TTN: variants seen among roughly 807,000 people sequenced by gnomAD.
TTN encodes titin, also known as connectin.
A neutral mutation model predicts 3,223.0 loss-of-function variants in TTN; 1,525 were observed. The ratio of observed to expected loss-of-function variants is 0.47; its 90% CI spans 0.45 to 0.49. The LOEUF (loss-of-function observed/expected upper bound fraction) is 0.49. Ranked by LOEUF, TTN falls within the 20% of genes least tolerant of loss-of-function variation. TTN has a pLI of 0.00. For synonymous variants in TTN, 14,094 were observed against 15,161.0 expected, an observed-to-expected ratio of 0.93 and a Z score of 5.17; for missense variants, 40,786 against 43,424.0, an observed-to-expected ratio of 0.94 and a Z score of 5.40.
intron 121 of TTN, among the ~76,000 whole-genome samples, chr2:178,691,286 G>A (rs2072347594): frequency 6.6e-6 from 1 of 152,134 alleles, no homozygotes; most frequent in Non-Finnish European, 1.5e-5. Flanking sequence ...TGCAATTGTA[G>A]CTTCAGTGCT....
In TTN at chr2:178,706,785, A is replaced by G. The variant is rs184015013; in HGVS notation, c.29135-46T>C. On this transcript the variant is annotated intron_variant, in intron 101 of 362. Transcript: ENST00000589042. Reference sequence around the variant, plus strand: ...GTGAATAAAAATTTAATTTTCTAAAATCAGTTCTTCCAAAATTAAATCATA... The same window carrying G: ...GTGAATAAAAATTTAATTTTCTAAAGTCAGTTCTTCCAAAATTAAATCATA... 295 of 1,597,162 alleles carry G rather than the reference A, an allele frequency of 1.8e-4. 2 individuals are homozygous for G. The African/African-American group carries it at 3.2e-3, about 17-fold the overall frequency.
Position 178,536,402 on chromosome 2 carries a change from C to G in TTN, c.100345G>C (p.Glu33449Gln). Residue 33449 changes from glutamate to glutamine, a missense_variant, in exon 357 of 363, where the codon GAA becomes CAA. Transcript: ENST00000589042. The part of the protein sequence containing the change: ...WISVTTEEIR[E>Q]TVFSVKNLIE... ...AGGTTTTTCACTGAAAAGACAGTTTCTCGAATTTCTTCTGTTGTCACAGAA... is the reference window on the plus strand; with the variant it reads ...AGGTTTTTCACTGAAAAGACAGTTTGTCGAATTTCTTCTGTTGTCACAGAA... 1 of 1,613,690 alleles carries G rather than the reference C, an allele frequency of 6.2e-7. No homozygotes were observed. The highest frequency in any genetic ancestry group is 8.5e-7 in the Non-Finnish European group (1 of 1,179,738).
Position 178,592,533 on chromosome 2 carries a change from GTCT to G in TTN, c.59469_59471del (p.Glu19823del), listed in dbSNP as rs1216617786. On this transcript the variant is annotated inframe_deletion, in exon 301 of 363. Coordinates refer to ENST00000589042, the MANE Select transcript of TTN (RefSeq NM_001267550.2). ...TTCTTGCTTTAGTTGGAGCATCTCT[GTCT>G]TCTTTTTTCCAAGTTACTTTTGGGA... The G allele has an allele frequency of 1.7e-5, 28 of 1,613,350 alleles. No homozygotes were observed. Among genetic ancestry groups the G allele is most frequent in the Non-Finnish European group, 2.3e-5 (27 of 1,179,594 alleles).
Position 178,536,974 on chromosome 2 carries a change from C to CTAG in TTN, c.100132_100134dup (p.Leu33378dup). The CTAG allele has an allele frequency of 6.2e-7, 1 of 1,613,288 alleles. No individual in the cohort carries two copies. The highest frequency in any genetic ancestry group is 8.5e-7 in the Non-Finnish European group (1 of 1,179,550). On this transcript the variant is annotated inframe_insertion, in exon 356 of 363. Coordinates refer to ENST00000589042, the MANE Select transcript of TTN (RefSeq NM_001267550.2). ...TTAATGATCACAACTGAGGACACTT[C>CTAG]TAGAGGGTCACTGATGCCGAAAGTG... is the stretch of plus-strand genomic sequence containing the variant.
In TTN at chr2:178,611,819, A is replaced by G. The variant is rs756554545; in HGVS notation, c.50490T>C (p.Asn16830=). 4.3e-6 allele frequency: 7 copies of G among 1,612,874 alleles called. No individual in the cohort carries two copies. The East Asian group carries it at 1.6e-4, about 36-fold the overall frequency. ...CACTTGGGTGGCCAACTCCAGCTTC[A>G]TTTTCAGCCCGAACCTGAAACTGGA... ...TEVQFQVRAE[N]EAGVGHPSEP... Residue 16830 remains asparagine (N), a synonymous_variant, in exon 268 of 363, where the codon AAT becomes AAC. Transcript: ENST00000589042.
chr2:178,605,661 A>G lies in TTN; in HGVS notation c.53634T>C (p.Thr17878=). 4 of 1,607,970 alleles carry G rather than the reference A, an allele frequency of 2.5e-6. No individual in the cohort carries two copies. Among genetic ancestry groups the G allele is most frequent in the Non-Finnish European group, 3.4e-6 (4 of 1,176,026 alleles). Residue 17878 remains threonine, a synonymous_variant, in exon 279 of 363, where the codon ACT becomes ACC. Coordinates refer to ENST00000589042, the MANE Select transcript of TTN (RefSeq NM_001267550.2). The part of the protein sequence containing the change: ...RLTYTERTKS[T]ITLDWKEPRS... ...GGGGCTCTTTCCAGTCAAGTGTGAT[A>G]GTGGACTTTGTCCTTTCAGTGTATG...
chr2:178,757,671 CCTCAAAATGG>C lies in TTN; in HGVS notation c.10539_10548del (p.Phe3513LeufsTer8), dbSNP rs1164131305. The C allele has an allele frequency of 1.2e-6, 2 of 1,613,682 alleles. No homozygotes were observed. The highest frequency in any genetic ancestry group is 2.7e-5 in the African/African-American group (2 of 74,890). On this transcript the variant is annotated frameshift_variant, in exon 45 of 363. Transcript: ENST00000589042. LOFTEE classifies it high-confidence loss of function. ...AGCATTAAAGCCATGCCTGTGGACT[CCTCAAAATGG>C]AAAACTACATCTTTTGTTGGTAGAA...
Position 178,614,651 on chromosome 2 carries a change from G to A in TTN, c.48863C>T (p.Pro16288Leu). Residue 16288 changes from proline (P) to leucine (L), a missense_variant, in exon 261 of 363, where the codon CCT (proline) becomes CTT (leucine). By Grantham distance (98) the Pro-to-Leu change is moderately conservative. Transcript: ENST00000589042. ...ATCAGCCTTTGTCCAAGTTATTTTAGGTTCAGGTTTTCCGGTTACGGTGGC... is the reference window on the plus strand; with the variant it reads ...ATCAGCCTTTGTCCAAGTTATTTTAAGTTCAGGTTTTCCGGTTACGGTGGC... Reference protein sequence around the residue: ...LPATVTGKPEPKITWTKADMI... With the variant: ...LPATVTGKPELKITWTKADMI... The A allele has an allele frequency of 6.2e-7, 1 of 1,612,320 alleles. No homozygotes were observed.
In TTN at chr2:178,591,802, C is replaced by G; in HGVS notation, c.60017G>C (p.Gly20006Ala). 3 of 1,613,296 alleles carry G rather than the reference C, an allele frequency of 1.9e-6. No homozygotes were observed. The highest frequency in any genetic ancestry group is 1.1e-5 in the South Asian group (1 of 91,054). ...LVWNKPDRDG[G>A]SPITGYLVEY... The stretch of plus-strand genomic sequence containing the variant: ...TACCAAATATCCAGTGATTGGAGAA[C>G]CACCATCACGATCCGGCTTATTCCA... Residue 20006 changes from glycine (G) to alanine (A), a missense_variant, in exon 303 of 363, where the codon GGT (glycine) becomes GCT (alanine). Coordinates refer to ENST00000589042, the MANE Select transcript of TTN (RefSeq NM_001267550.2).
chr2:178,555,861 G>A, intron 330 of TTN: 1 of 152,210 alleles, frequency 6.6e-6, no homozygotes, highest in Non-Finnish European at 1.5e-5. Context: ...TGACTCTCAT[G>A]ACGTTTTAAT....
rs397517599 is a variant in TTN at position 178,611,946 on chromosome 2, A to G, written c.50363T>C (p.Ile16788Thr). Residue 16788 changes from isoleucine to threonine, a missense_variant, in exon 268 of 363, where the codon ATT becomes ACT. Transcript: ENST00000589042. ...GGTACCTAACCTTTCTTTCTTCTCA[A>G]TGACATATCTATTGAAACAACAAAG... ...DGGRPIQRYV[I>T]EKKERLGTRW... 3.6e-4 allele frequency: 586 copies of G among 1,611,272 alleles called. 9 individuals carry two copies. In the South Asian group the frequency reaches 6.0e-3, roughly 17 times the overall value.
At position 178,593,426 on chromosome 2, in the gene TTN, G is replaced by A. The variant is rs372682637; in HGVS notation, c.58782C>T (p.Asp19594=). ...GCTTATTCCAGGTTACTAATGCAGA[G>A]TCTTTGGTAACTTCTGTAACAATTG... ...DQPIVTEVTK[D]SALVTWNKPH... is the part of the protein sequence containing the mutation. The change falls in exon 299 of 363, where the codon GAC becomes GAT. Residue 19594 remains aspartate (D), a synonymous_variant. Transcript: ENST00000589042. 2 of 1,613,170 alleles carry A rather than the reference G, an allele frequency of 1.2e-6. No individual in the cohort carries two copies. Among genetic ancestry groups the A allele is most frequent in the Non-Finnish European group, 1.7e-6 (2 of 1,179,552 alleles).
Position 178,694,632 on chromosome 2 carries a change from T to C in TTN, c.31393A>G (p.Thr10465Ala). Residue 10465 changes from threonine to alanine, a missense_variant, in exon 117 of 363, where the codon ACT becomes GCT. Physicochemically the swap from Thr to Ala is moderately conservative, Grantham distance 58 (BLOSUM62 0). Coordinates refer to ENST00000589042, the MANE Select transcript of TTN (RefSeq NM_001267550.2). ...KKIVPQKPSR[T>A]PVQEEVIEVK... ...TCAATAACTTCTTCCTGTACTGGAGTCCGGGAAGGTTTTTGTGGAACAATC... is the reference window on the plus strand; with the variant it reads ...TCAATAACTTCTTCCTGTACTGGAGCCCGGGAAGGTTTTTGTGGAACAATC... The C allele has an allele frequency of 6.4e-7, 1 of 1,560,236 alleles. No individual in the cohort carries two copies. The highest frequency in any genetic ancestry group is 8.7e-7 in the Non-Finnish European group (1 of 1,150,634).
In TTN at chr2:178,540,161, C is replaced by T; in HGVS notation, c.98005G>A (p.Ala32669Thr). The T allele has an allele frequency of 6.2e-7, 1 of 1,613,792 alleles. No homozygotes were observed. The highest frequency in any genetic ancestry group is 8.5e-7 in the Non-Finnish European group (1 of 1,179,754). Residue 32669 changes from alanine (A) to threonine (T), a missense_variant, in exon 351 of 363, where the codon GCA (alanine) becomes ACA (threonine). Transcript: ENST00000589042. The part of the protein sequence containing the change: ...EYTLTHLPQG[A>T]EYRFRVLACN... The stretch of plus-strand genomic sequence containing the variant: ...GCTAGGACGCGGAACCTGTATTCTG[C>T]ACCCTGAGGTAGGTGTGTTAGAGTA...
Position 178,610,152 on chromosome 2 carries a change from T to C in TTN, c.51374A>G (p.Asn17125Ser). 1 of 1,613,028 alleles carries C rather than the reference T, an allele frequency of 6.2e-7. No individual in the cohort carries two copies. The change falls in exon 271 of 363, where the codon AAC becomes AGC. Residue 17125 changes from asparagine to serine, a missense_variant. By Grantham distance (46) the Asn-to-Ser change is conservative. Transcript: ENST00000589042. ...GEYFFRVKAV[N>S]KVGGGEYIEL... The stretch of plus-strand genomic sequence containing the variant: ...AATATATTCTCCTCCACCAACCTTG[T>C]TGACTGCTTTAACACGGAAGAAGTA...
rs777269400 is a variant in TTN, at chr2:178,542,647, G to A, written c.97192+15C>T. Reference sequence around the variant, plus strand: ...TGAACATCAACTTGCTTGTATCTTTGTCACACATCCTTACCAAGAATGATA... The same window carrying A: ...TGAACATCAACTTGCTTGTATCTTTATCACACATCCTTACCAAGAATGATA... On this transcript the variant is annotated intron_variant, in intron 348 of 362. Transcript: ENST00000589042. 14 of 1,604,780 alleles carry A rather than the reference G, an allele frequency of 8.7e-6. No homozygotes were observed. The African/African-American group carries it at 1.7e-4, about 20-fold the overall frequency.
chr2:178,557,527 C>G lies in TTN; in HGVS notation c.87735G>C (p.Trp29245Cys), dbSNP rs745430117. Residue 29245 changes from tryptophan (W) to cysteine (C), a missense_variant, in exon 329 of 363, where the codon TGG becomes TGC. Physicochemically the swap from Trp to Cys is radical, Grantham distance 215. Coordinates refer to ENST00000589042, the MANE Select transcript of TTN (RefSeq NM_001267550.2). ...TGCTTTCTCGAGTAACATTAGTGAC[C>G]CATGGTGTAGATGGTGGTCCAGGTG... is the stretch of plus-strand genomic sequence containing the variant. ...YTTPGPPSTP[W>C]VTNVTRESIT... The G allele has an allele frequency of 6.2e-7, 1 of 1,613,806 alleles. No individual in the cohort carries two copies. Among genetic ancestry groups the G allele is most frequent in the Non-Finnish European group, 8.5e-7 (1 of 1,179,846 alleles).
intron 283 of TTN, 40 bp downstream of exon 283, chr2:178,602,240 AAG>A (rs781039016): frequency 6.3e-7 from 1 of 1,595,434 alleles, no homozygotes; most frequent in South Asian, 1.1e-5. Flanking sequence ...ATTTCATAAT[AAG>A]ATCAAAAGAG....
Position 178,776,194 on chromosome 2 carries a change from G to A in TTN, c.5670C>T (p.Arg1890=). 1 of 1,614,148 alleles carries A rather than the reference G, an allele frequency of 6.2e-7. No homozygotes were observed. Among genetic ancestry groups the A allele is most frequent in the African/African-American group, 1.3e-5 (1 of 75,048 alleles). ...TGTCCAGGTAATGGATACCATCATAGCGAACTCTGAACCTTTTGCTTTTGC... is the reference window on the plus strand; with the variant it reads ...TGTCCAGGTAATGGATACCATCATAACGAACTCTGAACCTTTTGCTTTTGC... ...LIRKSKRFRV[R]YDGIHYLDIV... Residue 1890 remains arginine, a synonymous_variant, in exon 28 of 363, where the codon CGC becomes CGT. Transcript: ENST00000589042.
Sources: gnomAD v4.1 joint callset for allele counts (sites outside exome capture counted in the v4.1 genomes callset) on GRCh38, gnomAD v4.1.1 for gene constraint, MANE v1.5 for transcripts, NCBI Gene and HGNC (gene_info 2026-07-23, HGNC 2026-07-21) for gene names.